SIK3: variants seen among roughly 807,000 people sequenced by gnomAD.
SIK3 encodes the protein SIK family kinase 3, also known as serine/threonine-protein kinase SIK3.
SIK3 carries 28 observed loss-of-function variants against 144.2 expected under a neutral mutation model. The observed-to-expected ratio is 0.19, with a 90% CI of 0.14 to 0.27. The LOEUF (loss-of-function observed/expected upper bound fraction) is 0.27. SIK3 is among the 10% of genes least tolerant of loss of function. SIK3 has a pLI of 1.00. For missense variants in SIK3, 1,319 were observed against 1,776.0 expected (o/e 0.74, Z 4.62); for synonymous variants, 686 against 676.3 (o/e 1.01, Z -0.22).
rs77124125 is a variant in SIK3 at position 117,069,426 on chromosome 11, G to T, written c.273+28717C>A. ...TCTAAAAGGTAAGTACTTTTTGTCT[G>T]CAATATGACCACCATACTACTGCCC... On this transcript the variant is annotated intron_variant, in intron 1 of 24. Coordinates refer to ENST00000445177, the MANE Select transcript of SIK3 (RefSeq NM_001366686.3). Among the ~76,000 whole-genome samples the T allele has an allele frequency of 3.8e-3, 578 of 152,092 alleles. 2 individuals carry two copies. The highest frequency in any genetic ancestry group is 0.013 in the African/African-American group (555 of 41,478).
chr11:116,999,157 T>C (rs1950768966), intron 1 of SIK3, among the ~76,000 whole-genome samples: 1 of 152,212 alleles, frequency 6.6e-6, no homozygotes, highest in Non-Finnish European at 1.5e-5. Context: ...AGTTTGACCA[T>C]ATTGTTTAAA....
intron 1 of SIK3, among the ~76,000 whole-genome samples, chr11:117,046,288 T>C (rs538933742): frequency 6.6e-6 from 1 of 152,172 alleles, no homozygotes; most frequent in Non-Finnish European, 1.5e-5. Flanking sequence ...AGCCAAACCA[T>C]GTATCTATGC....
intron 6 of SIK3, among the ~76,000 whole-genome samples, chr11:116,879,489 C>T (rs1944441911): frequency 6.6e-6 from 1 of 152,154 alleles, no homozygotes; most frequent in African/African-American, 2.4e-5. Context: ...CTCTTGACTA[C>T]CCTATTATAC....
intron 3 of SIK3, among the ~76,000 whole-genome samples, chr11:116,940,694 C>T (rs996008368): frequency 6.6e-6 from 1 of 150,836 alleles, no homozygotes; most frequent in African/African-American, 2.4e-5. Flanking sequence ...ACATCTTGGC[C>T]AGTTACAATA....
chr11:116,941,837 T>C (rs571355666), intron 3 of SIK3, among the ~76,000 whole-genome samples: 46 of 152,316 alleles, frequency 3.0e-4, no homozygotes, highest in African/African-American at 1.0e-3. Flanking sequence ...TTTGGGGATA[T>C]ATATCTAAAG....
Position 116,844,646 on chromosome 11 carries a change from AT to A in SIK3, c.*996del, listed in dbSNP as rs1302332164. On this transcript the variant is annotated 3_prime_UTR_variant, in exon 25 of 25. Transcript: ENST00000445177. ...ATATATATAATATATTATATTATAT[AT>A]TATATATATAATATATATATACACA... 6 of 108,864 alleles carry A rather than the reference AT, an allele frequency of 5.5e-5. No individual in the cohort carries two copies. Among genetic ancestry groups the A allele is most frequent in the Admixed American group, 3.0e-4 (3 of 10,000 alleles). The allele number at this position is 108,864 out of a possible 1,614,324, so 6.7% of individuals were successfully genotyped here.
At chr11:116,892,113 GCC>G (rs546734014) in intron 6 of SIK3, among the ~76,000 whole-genome samples, 316 of 152,204 alleles carry the variant, frequency 2.1e-3, no homozygotes, top group African/African-American at 7.1e-3. Context: ...TGGATATGTC[GCC>G]CTAGATCGAG....
chr11:116,934,711 C>T (rs1383395767), intron 3 of SIK3, among the ~76,000 whole-genome samples: 2 of 152,166 alleles, frequency 1.3e-5, no homozygotes, highest in Non-Finnish European at 2.9e-5. Context: ...TGGTGGTTCA[C>T]ACCTATAATC....
chr11:117,017,485 C>T (rs1033054380), intron 1 of SIK3, among the ~76,000 whole-genome samples: 8 of 151,994 alleles, frequency 5.3e-5, no homozygotes, highest in Admixed American at 5.3e-4. Flanking sequence ...TTTGAAAGTG[C>T]TAAGCACAGG....
Position 117,013,972 on chromosome 11 carries a change from C to CTTTTTTTTTTTTTTTTTT in SIK3, c.274-56926_274-56909dup. On this transcript the variant is annotated intron_variant, in intron 1 of 24. Transcript: ENST00000445177. ...TGTGTTTTATTTCTTTTTTTCTTTT[C>CTTTTTTTTTTTTTTTTTT]TTTTTTTTTTTTTTTTTTTTTTGAG... Among the ~76,000 whole-genome samples the CTTTTTTTTTTTTTTTTTT allele has an allele frequency of 7.2e-3, 193 of 26,980 alleles. 29 individuals carry two copies. The highest frequency in any genetic ancestry group is 0.011 in the Non-Finnish European group (142 of 13,380). 17.7% of individuals were successfully genotyped at this position (26,980 alleles called of 152,430 possible).
intron 1 of SIK3, among the ~76,000 whole-genome samples, chr11:117,082,414 G>A (rs544773597): frequency 6.6e-5 from 10 of 152,146 alleles, no homozygotes; most frequent in South Asian, 2.1e-4. Context: ...AAAATGTGGC[G>A]TATCCATACA....
At chr11:117,059,783 G>A (rs1281932255) in intron 1 of SIK3, among the ~76,000 whole-genome samples, 3 of 152,176 alleles carry the variant, frequency 2.0e-5, no homozygotes, top group African/African-American at 4.8e-5. Flanking sequence ...CTAGGCTACT[G>A]CAAATTAAAA....
chr11:116,946,125 T>G (rs1948575226), intron 3 of SIK3, among the ~76,000 whole-genome samples: 2 of 152,182 alleles, frequency 1.3e-5, no homozygotes, highest in Non-Finnish European at 2.9e-5. Context: ...TTAGAGATTG[T>G]TTTCCATATC....
rs925516084 is a variant in SIK3, at chr11:116,877,193, C to T, written c.866-151G>A. 3.9e-5 allele frequency: 26 copies of T among 666,244 alleles called. No homozygotes were observed. In the African/African-American group the frequency reaches 4.4e-4, roughly 11 times the overall value. The allele number at this position is 666,244 out of a possible 1,614,324, so 41.3% of individuals were successfully genotyped here. A position where few individuals can be genotyped will look rare whatever the true frequency, so the allele number is the denominator to read the frequency against. ...TCTTTGATCCTTACCTATTCTGTTG[C>T]TTATGCCACCAGAAGGGGCTAAGCA... On this transcript the variant is annotated intron_variant, in intron 6 of 24. Transcript: ENST00000445177.
intron 3 of SIK3, among the ~76,000 whole-genome samples, chr11:116,938,296 A>G (rs1317760567): frequency 2.4e-5 from 2 of 83,960 alleles, no homozygotes; most frequent in Admixed American, 1.4e-4. Context: ...AGAGGAGAGG[A>G]GAGGAGAAGA....
intron 6 of SIK3, among the ~76,000 whole-genome samples, chr11:116,883,172 T>C (rs1360313114): frequency 1.3e-5 from 2 of 152,236 alleles, no homozygotes; most frequent in Admixed American, 6.5e-5. Flanking sequence ...TGGAGCCACA[T>C]GGCTTTGATA....
intron 15 of SIK3, among the ~76,000 whole-genome samples, chr11:116,866,883 A>G (rs1186210117): frequency 6.6e-6 from 1 of 152,204 alleles, no homozygotes; most frequent in African/African-American, 2.4e-5. Context: ...CAAGTTACTC[A>G]TAGTCATTTA....
At chr11:117,081,228 G>A (rs1954770644) in intron 1 of SIK3, among the ~76,000 whole-genome samples, 1 of 152,108 alleles carries the variant, frequency 6.6e-6, no homozygotes, top group Admixed American at 6.6e-5. Flanking sequence ...CTGGAGAGAT[G>A]AGGAACTTTC....
At position 116,867,924 on chromosome 11, in the gene SIK3, C is replaced by T. The variant is rs1319141620; in HGVS notation, c.1952+22G>A. The T allele has an allele frequency of 6.6e-7, 1 of 1,510,854 alleles. No homozygotes were observed. Among genetic ancestry groups the T allele is most frequent in the Non-Finnish European group, 8.9e-7 (1 of 1,126,452 alleles). The allele number at this position is 1,510,854 out of a possible 1,614,324, so 93.6% of individuals were successfully genotyped here. On this transcript the variant is annotated intron_variant, in intron 15 of 24. Transcript: ENST00000445177. The surrounding 1 kb of genome is among the most constrained non-coding windows in gnomAD (Gnocchi z 4.1). The stretch of plus-strand genomic sequence containing the variant: ...TGTCCGATGAGCCTCAAGGAGCTCG[C>T]ACAGCTCATGTGGCTACTCACCGAT...
Sources: allele counts gnomAD v4.1 joint callset (sites outside exome capture counted in the v4.1 genomes callset), GRCh38; gene constraint gnomAD v4.1.1; non-coding constraint Gnocchi (gnomAD v3.1); transcripts MANE v1.5; gene names NCBI Gene and HGNC (gene_info 2026-07-23, HGNC 2026-07-21).